SGSM1: variants seen among roughly 807,000 people sequenced by gnomAD.
SGSM1 encodes the protein RUN and TBC1 domain containing 2.
In SGSM1, 73 loss-of-function variants were observed where a neutral mutation model predicts 133.8. That is an observed-to-expected ratio of 0.55 (90% confidence interval 0.45 to 0.66). The LOEUF (loss-of-function observed/expected upper bound fraction) is 0.66, where lower values mean the gene tolerates loss of function less well. Among genes scored for constraint, SGSM1 ranks in the 30% least tolerant of loss-of-function variants. The pLI, the probability that SGSM1 is intolerant of heterozygous loss-of-function variation, is 0.00. For synonymous variants in SGSM1, 563 were observed against 573.0 expected (o/e 0.98, Z 0.25); for missense variants, 1,213 against 1,448.1 (o/e 0.84, Z 2.64).
intron 20 of SGSM1, among the ~76,000 whole-genome samples, chr22:24,903,369 C>T (rs951248767): frequency 6.6e-5 from 10 of 151,632 alleles, no homozygotes; most frequent in East Asian, 3.9e-4. Context: ...CTGCCAGGCC[C>T]GGCTAATTTT....
intron 12 of SGSM1, among the ~76,000 whole-genome samples, chr22:24,872,850 C>T (rs950259658): frequency 6.6e-6 from 1 of 151,440 alleles, no homozygotes; most frequent in Non-Finnish European, 1.5e-5. Context: ...ACCCGGGAAG[C>T]GGAGGTTTTG....
At position 24,898,473 on chromosome 22, in the gene SGSM1, A is replaced by G; in HGVS notation, c.2524A>G (p.Ser842Gly). 1 of 1,613,930 alleles carries G rather than the reference A, an allele frequency of 6.2e-7. No individual in the cohort carries two copies. Among genetic ancestry groups the G allele is most frequent in the Non-Finnish European group, 8.5e-7 (1 of 1,179,878 alleles). ...CCTCTCGGAGGAGCCTGAGATGGAA[A>G]GTCTCTTCCCTGCCCTGGCTTCTCT... ...DNLSEEPEME[S>G]LFPALASLAV... Residue 842 changes from serine to glycine, a missense_variant, in exon 19 of 25, where the codon AGT (serine) becomes GGT (glycine). Coordinates refer to ENST00000400358, the MANE Select transcript of SGSM1 (RefSeq NM_001098497.3).
chr22:24,831,137 G>A (rs150936955), intron 2 of SGSM1, among the ~76,000 whole-genome samples: 191 of 152,170 alleles, frequency 1.3e-3, no homozygotes, highest in African/African-American at 4.4e-3. Context: ...GGAGGTCAGC[G>A]TGCAGGAGGG....
intron 3 of SGSM1, among the ~76,000 whole-genome samples, chr22:24,845,942 TTTCTTTCTTTC>T (rs1161032992): frequency 1.1e-3 from 18 of 16,202 alleles, no homozygotes; most frequent in Middle Eastern, 0.029. Context: ...TTTCTTTTCT[TTTCTTTCTTTC>T]TTTCTTTCTT....
intron 2 of SGSM1, among the ~76,000 whole-genome samples, chr22:24,824,099 C>G (rs1156337136): frequency 6.6e-6 from 1 of 152,076 alleles, no homozygotes; most frequent in East Asian, 1.9e-4. Context: ...ACTCTAGGAG[C>G]TCAGAAGATG....
chr22:24,876,375 C>T, intron 12 of SGSM1, among the ~76,000 whole-genome samples: 1 of 152,190 alleles, frequency 6.6e-6, no homozygotes, highest in East Asian at 1.9e-4. Context: ...TCAGCTCTGC[C>T]CCAGATTTTG....
Position 24,898,380 on chromosome 22 carries a change from G to C in SGSM1, c.2431G>C (p.Asp811His), listed in dbSNP as rs377647018. The change falls in exon 19 of 25, where the codon GAT (aspartate) becomes CAT (histidine). Residue 811 changes from aspartate to histidine, a missense_variant. Physicochemically the swap from Asp to His is moderately conservative, Grantham distance 81. Coordinates refer to ENST00000400358, the MANE Select transcript of SGSM1 (RefSeq NM_001098497.3). ...SLDMALPEKD[D>H]VVMEGWRSSE... ...GGACATGGCCCTGCCTGAAAAGGAC[G>C]ATGTTGTGATGGAGGGCTGGAGGAG... 40 of 1,613,754 alleles carry C rather than the reference G, an allele frequency of 2.5e-5. No individual in the cohort carries two copies. Among genetic ancestry groups the C allele is most frequent in the Non-Finnish European group, 3.4e-5 (40 of 1,179,876 alleles).
At position 24,847,660 on chromosome 22, in the gene SGSM1, G is replaced by A. The variant is rs776946803; in HGVS notation, c.166G>A (p.Gly56Arg). 17 of 1,613,568 alleles carry A rather than the reference G, an allele frequency of 1.1e-5. No individual in the cohort carries two copies. Among genetic ancestry groups the A allele is most frequent in the African/African-American group, 4.0e-5 (3 of 74,906 alleles). The change falls in exon 4 of 25, where the codon GGG (glycine) becomes AGG (arginine). Residue 56 changes from glycine (G) to arginine (R), a missense_variant. Physicochemically the swap from Gly to Arg is moderately radical, Grantham distance 125. Coordinates refer to ENST00000400358, the MANE Select transcript of SGSM1 (RefSeq NM_001098497.3). ...GGCTGTGGAGGCCTGCGTTCTGCAC[G>A]GGCTTCGGCGGCGGGCGGCTGGCTT... ...CAAVEACVLHGLRRRAAGFLR... is the reference protein window; with the variant it reads ...CAAVEACVLHRLRRRAAGFLR...
At chr22:24,874,508 G>A (rs1465781881) in intron 12 of SGSM1, 1 of 1,613,190 alleles carries the variant, frequency 6.2e-7, no homozygotes, top group Non-Finnish European at 8.5e-7. Context: ...GTGGTGGCCA[G>A]AGGGAGTCAG....
At chr22:24,922,057 C>T (rs928698480) in intron 24 of SGSM1, among the ~76,000 whole-genome samples, 2 of 151,994 alleles carry the variant, frequency 1.3e-5, no homozygotes, top group African/African-American at 2.4e-5. Flanking sequence ...CGAATAAGCA[C>T]AATTGCTAAT....
At chr22:24,888,538 C>G (rs1008841527) in intron 16 of SGSM1, among the ~76,000 whole-genome samples, 1 of 152,068 alleles carries the variant, frequency 6.6e-6, no homozygotes, top group Non-Finnish European at 1.5e-5. Context: ...GAGGCCGAGG[C>G]AGGTGGATCA....
intron 2 of SGSM1, among the ~76,000 whole-genome samples, chr22:24,834,140 A>G (rs1055440486): frequency 6.6e-6 from 1 of 152,230 alleles, no homozygotes; most frequent in Admixed American, 6.5e-5. Context: ...AAGGAACAGG[A>G]TGTTGGCAGG....
At chr22:24,839,932 C>CT (rs758631851) in intron 2 of SGSM1, among the ~76,000 whole-genome samples, 34,217 of 105,274 alleles carry the variant, frequency 0.33, 5,719 homozygotes, top group South Asian at 0.45. Flanking sequence ...AACCATCTCT[C>CT]TTTTTTTTTT....
intron 18 of SGSM1, 135 bp downstream of exon 18, chr22:24,895,426 T>A: frequency 1.2e-6 from 1 of 854,308 alleles, no homozygotes; most frequent in Non-Finnish European, 1.8e-6. Flanking sequence ...GCATTAAACA[T>A]TGTTTTTTGT....
intron 5 of SGSM1, among the ~76,000 whole-genome samples, chr22:24,854,200 T>C (rs1442969677): frequency 1.3e-5 from 2 of 152,156 alleles, no homozygotes; most frequent in African/African-American, 4.8e-5. Flanking sequence ...GGGGGCATTT[T>C]TGAGCATATT....
At chr22:24,841,824 C>T (rs1023647717) in intron 2 of SGSM1, among the ~76,000 whole-genome samples, 5 of 152,186 alleles carry the variant, frequency 3.3e-5, no homozygotes, top group South Asian at 2.1e-4. Flanking sequence ...TGCAGTGGCA[C>T]GATCTCGGCT....
In SGSM1 at chr22:24,924,404, C is replaced by T. The variant is rs5760738; in HGVS notation, c.*130C>T. 174,436 of 715,482 alleles carry T rather than the reference C, an allele frequency of 0.24. 23,504 individuals carry two copies. The highest frequency in any genetic ancestry group is 0.5 in the East Asian group (18,455 of 36,866). 44.3% of individuals were successfully genotyped at this position (715,482 alleles called of 1,614,324 possible). On this transcript the variant is annotated 3_prime_UTR_variant, in exon 25 of 25. Transcript: ENST00000400358. ...CTGTTCACAAGCGTGGAGTTCAGTG[C>T]GCAAAGAAACTACCCTGACTTTTAC...
intron 9 of SGSM1, among the ~76,000 whole-genome samples, chr22:24,861,102 C>T (rs183442468): frequency 2.3e-4 from 34 of 150,694 alleles, no homozygotes; most frequent in African/African-American, 7.3e-4. Flanking sequence ...TGCCTGTAAT[C>T]CCAGCATTTT....
intron 5 of SGSM1, among the ~76,000 whole-genome samples, chr22:24,851,661 A>G (rs1930492333): frequency 6.6e-6 from 1 of 152,202 alleles, no homozygotes; most frequent in African/African-American, 2.4e-5. Context: ...AAAACCAGCC[A>G]ACAGTCATGC....
Sources: allele counts gnomAD v4.1 joint callset (sites outside exome capture counted in the v4.1 genomes callset), GRCh38; gene constraint gnomAD v4.1.1; transcripts MANE v1.5; gene names NCBI Gene and HGNC (gene_info 2026-07-23, HGNC 2026-07-21).